HK1: variants seen among roughly 807,000 people sequenced by gnomAD.
HK1 encodes the protein hexokinase-1.
In HK1, 28 loss-of-function variants were observed where a neutral mutation model predicts 91.6. The ratio of observed to expected loss-of-function variants is 0.31; its 90% confidence interval spans 0.23 to 0.42. HK1 has a LOEUF of 0.42. Ranked by LOEUF, HK1 falls within the 10% of genes least tolerant of loss-of-function variation. The probability of loss-of-function intolerance (pLI) is 1.00; values close to 1 mark genes in which losing one functional copy is unlikely to be tolerated. For synonymous variants in HK1, 430 were observed against 468.1 expected (o/e 0.92, Z 1.05); for missense variants, 770 against 1,219.8 (o/e 0.63, Z 5.49).
chr10:69,383,125 C>T (rs945940020), intron 10 of HK1, among the ~76,000 whole-genome samples: 2 of 152,066 alleles, frequency 1.3e-5, no homozygotes, highest in East Asian at 3.9e-4. Context: ...CTGCTTGAGC[C>T]CAGGAGTTCA....
At chr10:69,294,234 C>T (rs988652121) in intron 3 of HK1, among the ~76,000 whole-genome samples, 1 of 152,134 alleles carries the variant, frequency 6.6e-6, no homozygotes, top group Non-Finnish European at 1.5e-5. Flanking sequence ...AGTCACATGG[C>T]CAGTTCTGGA....
chr10:69,284,427 C>T (rs1844916263), intron 2 of HK1, among the ~76,000 whole-genome samples: 1 of 151,960 alleles, frequency 6.6e-6, no homozygotes, highest in African/African-American at 2.4e-5. Context: ...TGCTTAAGGG[C>T]AAAGTGGAAG....
At chr10:69,305,091 G>A (rs73263678) in intron 5 of HK1, among the ~76,000 whole-genome samples, 3,200 of 152,204 alleles carry the variant, frequency 0.021, 111 homozygotes, top group African/African-American at 0.071. Context: ...TTCACATGGC[G>A]TTCTCCCTGT....
chr10:69,366,775 T>TTGGCTTTTGAGACATGAGACA (rs1289091905), intron 4 of HK1, among the ~76,000 whole-genome samples: 1 of 152,220 alleles, frequency 6.6e-6, no homozygotes, highest in South Asian at 2.1e-4. Flanking sequence ...CAAGTTTCCC[T>TTGGCTTTTGAGACATGAGACA]TGGCTTTTGA....
chr10:69,319,060 C>G, intron 1 of HK1, 50 bp downstream of exon 1: 1 of 1,560,274 alleles, frequency 6.4e-7, no homozygotes, highest in Non-Finnish European at 8.7e-7. Context: ...CCTTGCGTTC[C>G]GGCATCCGCT....
Position 69,348,940 on chromosome 10 carries a change from T to G in HK1, c.226+4951T>G, listed in dbSNP as rs151188129. ...ACATCTGTCCTGTGTTTGTTTTCCA[T>G]TATTTGCTGGTAATAATGGCTGTCA... is the stretch of plus-strand genomic sequence containing the variant. On this transcript the variant is annotated intron_variant, in intron 2 of 17. Coordinates refer to ENST00000359426, the MANE Select transcript of HK1 (RefSeq NM_000188.3). Among the ~76,000 whole-genome samples the G allele has an allele frequency of 2.8e-3, 427 of 152,366 alleles. 4 individuals are homozygous for G. Among genetic ancestry groups the G allele is most frequent in the African/African-American group, 9.7e-3 (402 of 41,582 alleles).
chr10:69,280,765 AT>A (rs1844707742), intron 1 of HK1, among the ~76,000 whole-genome samples: 1 of 152,156 alleles, frequency 6.6e-6, no homozygotes. Context: ...TGAAACATAC[AT>A]TTCCATCATT....
rs779950954 is a variant in HK1 at position 69,384,920 on chromosome 10, G to GTC, written c.1839+9_1839+10dup. The GTC allele has an allele frequency of 6.2e-7, 1 of 1,614,162 alleles. No individual in the cohort carries two copies. Among genetic ancestry groups the GTC allele is most frequent in the Admixed American group, 1.7e-5 (1 of 60,022 alleles). On this transcript the variant is annotated splice_donor_region_variant and intron_variant, in intron 12 of 17. Coordinates refer to ENST00000359426, the MANE Select transcript of HK1 (RefSeq NM_000188.3). ...CAGCAGACGAGTCTGGACGCGGTGAGTCTCTGTTCTTAGGGCTCAGTGATC... is the reference window on the plus strand; with the variant it reads ...CAGCAGACGAGTCTGGACGCGGTGAGTCTCTCTGTTCTTAGGGCTCAGTGATC...
intron 4 of HK1, chr10:69,300,400 C>T: frequency 1.7e-6 from 1 of 590,362 alleles, no homozygotes; most frequent in Non-Finnish European, 3.0e-6. Flanking sequence ...TTTCATGAGG[C>T]ATTTTATTTG....
intron 4 of HK1, among the ~76,000 whole-genome samples, chr10:69,296,920 G>A (rs183648433): frequency 6.6e-6 from 1 of 152,102 alleles, no homozygotes; most frequent in Non-Finnish European, 1.5e-5. Context: ...AAACCAGAGA[G>A]GGGGTAGGGG....
rs372523358 is a variant in HK1 at position 69,401,248 on chromosome 10, C to A, written c.*113C>A. ...ACGCTGGCGCCAGGGCCTGCCGGCG[C>A]GGGGAGGAAAGCAAAATCCAACTAA... On this transcript the variant is annotated 3_prime_UTR_variant, in exon 18 of 18. Transcript: ENST00000359426. The A allele has an allele frequency of 2.3e-6, 3 of 1,315,684 alleles. No homozygotes were observed. Among genetic ancestry groups the A allele is most frequent in the Non-Finnish European group, 1.1e-6 (1 of 946,822 alleles). 81.5% of individuals were successfully genotyped at this position (1,315,684 alleles called of 1,614,324 possible).
At position 69,332,296 on chromosome 10, in the gene HK1, C is replaced by T. The variant is rs117432989; in HGVS notation, c.64-11531C>T. Among the ~76,000 whole-genome samples the T allele has an allele frequency of 7.9e-3, 1,207 of 152,062 alleles. 9 individuals are homozygous for T. Among genetic ancestry groups the T allele is most frequent in the Middle Eastern group, 0.014 (4 of 292 alleles). Reference sequence around the variant, plus strand: ...TTTCCTCATCTGGAATCCATTATCTCGAAAGGACCCATCCAGCTTGAGCAG... The same window carrying T: ...TTTCCTCATCTGGAATCCATTATCTTGAAAGGACCCATCCAGCTTGAGCAG... On this transcript the variant is annotated intron_variant, in intron 1 of 17. Transcript: ENST00000359426.
chr10:69,318,347 C>T (rs1846770018), upstream of HK1: 3 of 479,596 alleles, frequency 6.3e-6, no homozygotes, highest in Non-Finnish European at 8.2e-6. Context: ...TTCTGCAAGT[C>T]CCCTCCGGCA....
At chr10:69,340,918 C>T (rs983830499) in intron 1 of HK1, among the ~76,000 whole-genome samples, 7 of 152,128 alleles carry the variant, frequency 4.6e-5, no homozygotes, top group African/African-American at 1.7e-4. Context: ...ACCACCCTCC[C>T]TCCCCTTCGG....
chr10:69,378,078 T>C (rs1839206084), intron 8 of HK1, among the ~76,000 whole-genome samples: 1 of 152,180 alleles, frequency 6.6e-6, no homozygotes, highest in Non-Finnish European at 1.5e-5. Context: ...TGCTGGAGTT[T>C]GTTGTATGAT....
chr10:69,379,130 G>A (rs1839259660), intron 8 of HK1, among the ~76,000 whole-genome samples: 1 of 152,022 alleles, frequency 6.6e-6, no homozygotes, highest in South Asian at 2.1e-4. Flanking sequence ...GTTATTTGGG[G>A]CGAGGTTGGT....
At chr10:69,274,097 T>C (rs1247178228) in intron 1 of HK1, among the ~76,000 whole-genome samples, 3 of 152,158 alleles carry the variant, frequency 2.0e-5, no homozygotes, top group African/African-American at 7.2e-5. Context: ...GCTAAGGTGA[T>C]GGACTGATCA....
At chr10:69,310,009 T>C (rs1433220848) in intron 5 of HK1, among the ~76,000 whole-genome samples, 1 of 142,940 alleles carries the variant, frequency 7.0e-6, no homozygotes, top group Non-Finnish European at 1.5e-5. Context: ...GGGATCACGC[T>C]ACTGCACTCC....
exon 5 of HK1, chr10:69,300,807 A>G: frequency 6.2e-7 from 1 of 1,611,586 alleles, no homozygotes; most frequent in Non-Finnish European, 8.5e-7. Flanking sequence ...CAGGACATTA[A>G]TGTGCACCAC....
Sources: allele counts gnomAD v4.1 joint callset (sites outside exome capture counted in the v4.1 genomes callset), GRCh38; gene constraint gnomAD v4.1.1; transcripts MANE v1.5; gene names NCBI Gene and HGNC (gene_info 2026-07-23, HGNC 2026-07-21).